Variants in GALNT4 observed in about 807,000 individuals in gnomAD.
The protein encoded by GALNT4 is UDP-GalNAc:polypeptide N-acetylgalactosaminyltransferase 4.
In GALNT4, 23 loss-of-function variants were observed where a neutral mutation model predicts 45.1. The observed-to-expected ratio is 0.51, with a 90% CI of 0.37 to 0.72. GALNT4 has a LOEUF of 0.72. GALNT4 is among the 30% of genes least tolerant of loss of function. The pLI, the probability that GALNT4 is intolerant of heterozygous loss-of-function variation, is 0.00. For missense variants in GALNT4, 757 were observed against 709.0 expected (o/e 1.07, Z -0.77); for synonymous variants, 264 against 257.6 (o/e 1.02, Z -0.24).
rs1870907129 is a variant in GALNT4, at chr12:89,521,862, C to T, written c.*951G>A. The T allele has an allele frequency of 5.0e-6, 2 of 397,592 alleles. No homozygotes were observed. The highest frequency in any genetic ancestry group is 2.8e-4 in the South Asian group (2 of 7,036). The allele number at this position is 397,592 out of a possible 1,614,324, so 24.6% of individuals were successfully genotyped here. A position where few individuals can be genotyped will look rare whatever the true frequency, so the allele number is the denominator to read the frequency against. ...ATCAGCAGAACTCGTAGGAGAGTTC[C>T]ACAGCCTTGGTAGAACCTAGCCCAC... On this transcript the variant is annotated 3_prime_UTR_variant, in exon 1 of 1. Coordinates refer to ENST00000529983, the MANE Select transcript of GALNT4 (RefSeq NM_003774.5).
At position 89,521,029 on chromosome 12, in the gene GALNT4, G is replaced by A. The variant is rs569436063; in HGVS notation, c.*1784C>T. The A allele has an allele frequency of 1.5e-4, 23 of 151,888 alleles. No individual in the cohort carries two copies. The highest frequency in any genetic ancestry group is 5.8e-4 in the East Asian group (3 of 5,176). The allele number at this position is 151,888 out of a possible 1,614,324, so 9.4% of individuals were successfully genotyped here. ...GGTTCAACAATTATCAAAACGAAACGACTATGAACACTGACTAGAACTTCT... is the reference window on the plus strand; with the variant it reads ...GGTTCAACAATTATCAAAACGAAACAACTATGAACACTGACTAGAACTTCT... On this transcript the variant is annotated 3_prime_UTR_variant, in exon 1 of 1. Coordinates refer to ENST00000529983, the MANE Select transcript of GALNT4 (RefSeq NM_003774.5).
Position 89,523,042 on chromosome 12 carries a change from C to T in GALNT4, c.1508G>A (p.Cys503Tyr). Reference sequence around the variant, plus strand: ...ATTTTTTTGCTCAGGTACCTCTGCACATAACTCTGTCACAGAATTAAACCT... The same window carrying T: ...ATTTTTTTGCTCAGGTACCTCTGCATATAACTCTGTCACAGAATTAAACCT... ...EIRFNSVTEL[C>Y]AEVPEQKNYV... is the part of the protein sequence containing the mutation. Residue 503 changes from cysteine (C) to tyrosine (Y), a missense_variant, in exon 1 of 1, where the codon TGT becomes TAT. Coordinates refer to ENST00000529983, the MANE Select transcript of GALNT4 (RefSeq NM_003774.5). 6.2e-7 allele frequency: 1 copy of T among 1,613,788 alleles called. No individual in the cohort carries two copies. The highest frequency in any genetic ancestry group is 8.5e-7 in the Non-Finnish European group (1 of 1,179,732).
Position 89,522,657 on chromosome 12 carries a change from G to A in GALNT4, c.*156C>T. The A allele has an allele frequency of 3.4e-6, 3 of 872,752 alleles. No individual in the cohort carries two copies. The highest frequency in any genetic ancestry group is 4.9e-6 in the Non-Finnish European group (3 of 616,994). The allele number at this position is 872,752 out of a possible 1,614,324, so 54.1% of individuals were successfully genotyped here. A position where few individuals can be genotyped will look rare whatever the true frequency, so the allele number is the denominator to read the frequency against. ...GCAGCACTCTGGGTACCCAGTTTCA[G>A]TGTGATATACCAAAATGAACCCCAG... On this transcript the variant is annotated 3_prime_UTR_variant, in exon 1 of 1. Coordinates refer to ENST00000529983, the MANE Select transcript of GALNT4 (RefSeq NM_003774.5).
At position 89,519,460 on chromosome 12, in the gene GALNT4, T is replaced by C. The variant is rs2135770069; in HGVS notation, c.*3353A>G. On this transcript the variant is annotated 3_prime_UTR_variant, in exon 1 of 1. Transcript: ENST00000529983. ...TTTTTATTTTACATCTTAATCAACATTACAAATACAAAAGGAAAAAAGTCA... is the reference window on the plus strand; with the variant it reads ...TTTTTATTTTACATCTTAATCAACACTACAAATACAAAAGGAAAAAAGTCA... The C allele has an allele frequency of 6.6e-6, 1 of 152,214 alleles. No individual in the cohort carries two copies. The highest frequency in any genetic ancestry group is 2.1e-4 in the South Asian group (1 of 4,828). 9.4% of individuals were successfully genotyped at this position (152,214 alleles called of 1,614,324 possible).
At position 89,522,797 on chromosome 12, in the gene GALNT4, A is replaced by G. The variant is rs1000403457; in HGVS notation, c.*16T>C. ...TTGACACTACTGTCAGCTCATGACG[A>G]AAGTGCTGTTGTGCTCTATTTCTCA... On this transcript the variant is annotated 3_prime_UTR_variant, in exon 1 of 1. Coordinates refer to ENST00000529983, the MANE Select transcript of GALNT4 (RefSeq NM_003774.5). 2 of 1,547,622 alleles carry G rather than the reference A, an allele frequency of 1.3e-6. No individual in the cohort carries two copies. Among genetic ancestry groups the G allele is most frequent in the East Asian group, 4.5e-5 (2 of 44,372 alleles).
In GALNT4 at chr12:89,520,415, G is replaced by A. The variant is rs1870751688; in HGVS notation, c.*2398C>T. 6.6e-6 allele frequency: 1 copy of A among 151,928 alleles called. No individual in the cohort carries two copies. The allele number at this position is 151,928 out of a possible 1,614,324, so 9.4% of individuals were successfully genotyped here. A position where few individuals can be genotyped will look rare whatever the true frequency, so the allele number is the denominator to read the frequency against. ...ATAAAAAGAGAAAATTTAAAAATAA[G>A]TAAAAAATAAAAAAATATTTTTAAA... is the stretch of plus-strand genomic sequence containing the variant. On this transcript the variant is annotated 3_prime_UTR_variant, in exon 1 of 1. Transcript: ENST00000529983.
Position 89,522,980 on chromosome 12 carries a change from G to C in GALNT4, c.1570C>G (p.Pro524Ala). Residue 524 changes from proline (P) to alanine (A), a missense_variant, in exon 1 of 1, where the codon CCT becomes GCT. By Grantham distance (27) the Pro-to-Ala change is conservative. Coordinates refer to ENST00000529983, the MANE Select transcript of GALNT4 (RefSeq NM_003774.5). ...TGCCAAATAATGTTTGCTGGTACAG[G>C]GAACCCATCTTTGGGACAATTTTGC... ...GMQNCPKDGF[P>A]VPANIIWHFK... 1 of 1,613,962 alleles carries C rather than the reference G, an allele frequency of 6.2e-7. No homozygotes were observed. Among genetic ancestry groups the C allele is most frequent in the Non-Finnish European group, 8.5e-7 (1 of 1,179,902 alleles).
chr12:89,524,611 C>A lies in GALNT4; in HGVS notation c.-62G>T. 1 of 1,551,580 alleles carries A rather than the reference C, an allele frequency of 6.4e-7. No individual in the cohort carries two copies. The highest frequency in any genetic ancestry group is 2.2e-5 in the East Asian group (1 of 44,540). ...AAGCCACCACGCAGGGGAAGGGCGG[C>A]GGAACCCACAGCTCGAGCTCAGGTA... On this transcript the variant is annotated 5_prime_UTR_variant, in exon 1 of 1. Transcript: ENST00000529983.
chr12:89,523,903 G>A lies in GALNT4; in HGVS notation c.647C>T (p.Thr216Ile). ...AGTGAGGACGTCCCCAGTGGCGAAA[G>A]TGGCCCCAATCAGACGGGCCCTAAC... ...GLVRARLIGA[T>I]FATGDVLTFL... Residue 216 changes from threonine (T) to isoleucine (I), a missense_variant, in exon 1 of 1, where the codon ACT becomes ATT. Thr to Ile is a moderately conservative substitution (Grantham distance 89). Transcript: ENST00000529983. 6.3e-7 allele frequency: 1 copy of A among 1,591,170 alleles called. No individual in the cohort carries two copies. The highest frequency in any genetic ancestry group is 8.5e-7 in the Non-Finnish European group (1 of 1,171,624).
Position 89,524,587 on chromosome 12 carries a change from A to C in GALNT4, c.-38T>G, listed in dbSNP as rs752311603. The C allele has an allele frequency of 1.2e-6, 2 of 1,606,682 alleles. No homozygotes were observed. Among genetic ancestry groups the C allele is most frequent in the South Asian group, 2.2e-5 (2 of 90,578 alleles). ...GGCTGAGGCGCAGACGCGGCCACCA[A>C]GCCACCACGCAGGGGAAGGGCGGCG... On this transcript the variant is annotated 5_prime_UTR_variant, in exon 1 of 1. Coordinates refer to ENST00000529983, the MANE Select transcript of GALNT4 (RefSeq NM_003774.5).
rs1870867635 is a variant in GALNT4, at chr12:89,521,490, A to G, written c.*1323T>C. The stretch of plus-strand genomic sequence containing the variant: ...GCTCAACTGCTCAACAACATTACCT[A>G]TGTCAAAAGTGAAAAGATAAAAAGT... On this transcript the variant is annotated 3_prime_UTR_variant, in exon 1 of 1. Coordinates refer to ENST00000529983, the MANE Select transcript of GALNT4 (RefSeq NM_003774.5). 1 of 152,300 alleles carries G rather than the reference A, an allele frequency of 6.6e-6. No homozygotes were observed. The highest frequency in any genetic ancestry group is 1.5e-5 in the Non-Finnish European group (1 of 68,136). 9.4% of individuals were successfully genotyped at this position (152,300 alleles called of 1,614,324 possible). A position where few individuals can be genotyped will look rare whatever the true frequency, so the allele number is the denominator to read the frequency against.
Position 89,524,369 on chromosome 12 carries a change from G to A in GALNT4, c.181C>T (p.Arg61Ter). ...DLQKNTEDLS[R>*]PLYKKPPADS... is the part of the protein sequence containing the mutation. Reference sequence around the variant, plus strand: ...GCAGGGGGCTTCTTATAAAGCGGTCGAGACAAATCCTCCGTATTTTTCTGG... The same window carrying A: ...GCAGGGGGCTTCTTATAAAGCGGTCAAGACAAATCCTCCGTATTTTTCTGG... Residue 61 changes from arginine to a stop codon, truncating the protein, a stop_gained, in exon 1 of 1, where the codon CGA becomes TGA. Transcript: ENST00000529983. LOFTEE classifies it high-confidence loss of function. 1 of 1,614,006 alleles carries A rather than the reference G, an allele frequency of 6.2e-7. No homozygotes were observed. The highest frequency in any genetic ancestry group is 8.5e-7 in the Non-Finnish European group (1 of 1,179,894).
chr12:89,523,218 C>T lies in GALNT4; in HGVS notation c.1332G>A (p.Trp444Ter), dbSNP rs369106319. 6.2e-7 allele frequency: 1 copy of T among 1,613,898 alleles called. No individual in the cohort carries two copies. Among genetic ancestry groups the T allele is most frequent in the Non-Finnish European group, 8.5e-7 (1 of 1,179,898 alleles). ...TCCCTCTACTGCGAATAGCCCCATG[C>T]CAGCCTGGTCTATCCTCTGGAACAT... is the stretch of plus-strand genomic sequence containing the variant. Reference protein sequence around the residue: ...NLHVPEDRPGWHGAIRSRGIS... With the variant: ...NLHVPEDRPG Residue 444 changes from tryptophan to a stop codon, truncating the protein, a stop_gained, in exon 1 of 1, where the codon TGG becomes TGA. Transcript: ENST00000529983. LOFTEE classifies it high-confidence loss of function.
rs747685122 is a variant in GALNT4, at chr12:89,519,869, G to T, written c.*2944C>A. 6 of 152,194 alleles carry T rather than the reference G, an allele frequency of 3.9e-5. No individual in the cohort carries two copies. The highest frequency in any genetic ancestry group is 1.5e-4 in the African/African-American group (6 of 41,376). The allele number at this position is 152,194 out of a possible 1,614,324, so 9.4% of individuals were successfully genotyped here. A position where few individuals can be genotyped will look rare whatever the true frequency, so the allele number is the denominator to read the frequency against. ...CTATCCGTAAAGTTGGACACTAAAT[G>T]ACATAGTGAACATTTAAAGTTGAAA... On this transcript the variant is annotated 3_prime_UTR_variant, in exon 1 of 1. Coordinates refer to ENST00000529983, the MANE Select transcript of GALNT4 (RefSeq NM_003774.5).
At position 89,523,858 on chromosome 12, in the gene GALNT4, T is replaced by C; in HGVS notation, c.692A>G (p.Glu231Gly). ...DVLTFLDCHC[E>G]CNSGWLEPLL... The stretch of plus-strand genomic sequence containing the variant: ...CGGTTCCAGCCAACCGGAATTACAC[T>C]CACAGTGACAATCCAGGAAAGTGAG... Residue 231 changes from glutamate (E) to glycine (G), a missense_variant, in exon 1 of 1, where the codon GAG becomes GGG. Transcript: ENST00000529983. The C allele has an allele frequency of 6.4e-7, 1 of 1,556,322 alleles. No homozygotes were observed.
chr12:89,523,968 A>G lies in GALNT4; in HGVS notation c.582T>C (p.Asp194=), dbSNP rs772901311. 101 of 1,613,762 alleles carry G rather than the reference A, an allele frequency of 6.3e-5. No individual in the cohort carries two copies. Among genetic ancestry groups the G allele is most frequent in the Non-Finnish European group, 7.4e-5 (87 of 1,179,844 alleles). ...TQLETYISNL[D]RVRLIRTNKR... The stretch of plus-strand genomic sequence containing the variant: ...TATTGGTCCTAATCAAGCGTACTCT[A>G]TCAAGATTGCTGATGTAAGTTTCAA... The change falls in exon 1 of 1, where the codon GAT becomes GAC. Residue 194 remains aspartate, a synonymous_variant. Coordinates refer to ENST00000529983, the MANE Select transcript of GALNT4 (RefSeq NM_003774.5).
In GALNT4 at chr12:89,522,936, A is replaced by G. The variant is rs369500835; in HGVS notation, c.1614T>C (p.Thr538=). Residue 538 remains threonine, a synonymous_variant, in exon 1 of 1, where the codon ACT becomes ACC. Transcript: ENST00000529983. The part of the protein sequence containing the change: ...NIIWHFKEDG[T]IFHPHSGLCL... ...ACAGTCCTGAGTGTGGGTGAAAAAT[A>G]GTTCCATCTTCTTTAAAATGCCAAA... The G allele has an allele frequency of 1.2e-5, 20 of 1,613,940 alleles. No individual in the cohort carries two copies. Among genetic ancestry groups the G allele is most frequent in the Non-Finnish European group, 1.6e-5 (19 of 1,179,908 alleles).
rs1592646338 is a variant in GALNT4 at position 89,519,505 on chromosome 12, G to T, written c.*3308C>A. On this transcript the variant is annotated 3_prime_UTR_variant, in exon 1 of 1. Coordinates refer to ENST00000529983, the MANE Select transcript of GALNT4 (RefSeq NM_003774.5). ...AAGTCAGAAACAACTCATCACAGAG[G>T]AAAAAAACATCATTCAGAAGAGATT... 2.7e-5 allele frequency: 4 copies of T among 150,776 alleles called. No homozygotes were observed. The East Asian group carries it at 7.7e-4, about 29-fold the overall frequency. The allele number at this position is 150,776 out of a possible 1,614,324, so 9.3% of individuals were successfully genotyped here.
In GALNT4 at chr12:89,522,754, T is replaced by C. The variant is rs1870990751; in HGVS notation, c.*59A>G. On this transcript the variant is annotated 3_prime_UTR_variant, in exon 1 of 1. Transcript: ENST00000529983. ...AAAATACAATCTTCACTGAGGCTCTTAAGGCTCTTTGACTTTCTTGACACT... is the reference window on the plus strand; with the variant it reads ...AAAATACAATCTTCACTGAGGCTCTCAAGGCTCTTTGACTTTCTTGACACT... The C allele has an allele frequency of 1.3e-6, 2 of 1,517,616 alleles. No individual in the cohort carries two copies. Among genetic ancestry groups the C allele is most frequent in the South Asian group, 1.4e-5 (1 of 73,264 alleles). 94.0% of individuals were successfully genotyped at this position (1,517,616 alleles called of 1,614,324 possible).
Sources: allele counts gnomAD v4.1 joint callset, GRCh38; gene constraint gnomAD v4.1.1; transcripts MANE v1.5; gene names NCBI Gene and HGNC (gene_info 2026-07-23, HGNC 2026-07-21).